The following ANO5 variants were observed in gnomAD, a reference collection of about 807,000 sequenced individuals.
ANO5 encodes the protein anoctamin 5.
ANO5 carries 109 observed loss-of-function variants against 121.0 expected under a neutral mutation model. The observed-to-expected ratio is 0.90, with a 90% CI of 0.77 to 1.06. The LOEUF is 1.06. ANO5 is among the 50% of genes least tolerant of loss of function. ANO5 has a pLI of 0.00. For missense variants in ANO5, 1,064 were observed against 1,078.5 expected (o/e 0.99, Z 0.19); for synonymous variants, 406 against 359.9 (o/e 1.13, Z -1.45).
chr11:22,218,869 T>G (rs1305792794), intron 4 of ANO5, among the ~76,000 whole-genome samples: 1 of 152,004 alleles, frequency 6.6e-6, no homozygotes, highest in East Asian at 1.9e-4. Flanking sequence ...AGCTGGTAAT[T>G]CAGGTGTTTG....
At chr11:22,225,182 G>T (rs933323883) in intron 5 of ANO5, among the ~76,000 whole-genome samples, 3 of 151,946 alleles carry the variant, frequency 2.0e-5, no homozygotes, top group Admixed American at 2.0e-4. Flanking sequence ...ATAAAAGCTG[G>T]GTGGGTGGTT....
At chr11:22,215,838 C>T (rs1852424867) in intron 3 of ANO5, among the ~76,000 whole-genome samples, 2 of 151,938 alleles carry the variant, frequency 1.3e-5, no homozygotes, top group African/African-American at 4.8e-5. Context: ...CATATTCTAG[C>T]AACCGCTGAT....
chr11:22,204,651 T>C (rs1417445846), intron 2 of ANO5, among the ~76,000 whole-genome samples: 1 of 152,062 alleles, frequency 6.6e-6, no homozygotes, highest in African/African-American at 2.4e-5. Flanking sequence ...AAAAGTTCAG[T>C]GACCCACTAG....
At chr11:22,203,915 C>T in intron 2 of ANO5, 65 bp downstream of exon 2, 1 of 1,114,166 alleles carries the variant, frequency 9.0e-7, no homozygotes, top group Non-Finnish European at 1.3e-6. Flanking sequence ...ATAAGGTTAA[C>T]TAAGCCTTTG....
At chr11:22,263,893 C>T (rs971836001) in intron 17 of ANO5, among the ~76,000 whole-genome samples, 1 of 152,122 alleles carries the variant, frequency 6.6e-6, no homozygotes, top group Non-Finnish European at 1.5e-5. Flanking sequence ...TTCATAGTGC[C>T]ACTTAGGGCT....
intron 15 of ANO5, chr11:22,261,132 G>A (rs1854174519): frequency 6.6e-6 from 1 of 152,180 alleles, no homozygotes; most frequent in South Asian, 2.1e-4. Context: ...GTTTGGAGAT[G>A]AGCATAAGTT....
chr11:22,265,405 A>G (rs1370088751), intron 17 of ANO5, among the ~76,000 whole-genome samples: 2 of 152,134 alleles, frequency 1.3e-5, no homozygotes, highest in African/African-American at 4.8e-5. Context: ...ACATGAAAAG[A>G]CTAGGAGAGT....
chr11:22,237,341 G>A (rs542969111), intron 8 of ANO5, among the ~76,000 whole-genome samples: 1 of 152,082 alleles, frequency 6.6e-6, no homozygotes, highest in African/African-American at 2.4e-5. Flanking sequence ...CCTTTCATAG[G>A]ACTTAGTCTG....
At chr11:22,279,456 TTAAA>T in intron 21 of ANO5, 84 bp from the exon 22 acceptor site, 3 of 1,154,730 alleles carry the variant, frequency 2.6e-6, no homozygotes, top group Non-Finnish European at 3.9e-6. Flanking sequence ...GAGCAGTTTC[TTAAA>T]TAAGTGAAAT....
rs79877264 is a variant in ANO5, at chr11:22,196,466, G to A, written c.40+2934G>A. On this transcript the variant is annotated intron_variant, in intron 1 of 21. Transcript: ENST00000324559. ...GTTTTGGAGGGATATTTAAACCATA[G>A]CACTAAGATGTATGAAAAGTTCATT... is the stretch of plus-strand genomic sequence containing the variant. Among the ~76,000 whole-genome samples the A allele has an allele frequency of 0.014, 2,038 of 149,420 alleles. 146 individuals carry two copies. The East Asian group carries it at 0.21, about 16-fold the overall frequency.
In ANO5 at chr11:22,283,062, G is replaced by A. The variant is rs1452053450; in HGVS notation, c.*3297G>A. ...AGTATTCTATTTATTTCAGCATTAT[G>A]TGAAAAATGATAAGAATGTTAAAAA... is the stretch of plus-strand genomic sequence containing the variant. On this transcript the variant is annotated 3_prime_UTR_variant, in exon 22 of 22. Coordinates refer to ENST00000324559, the MANE Select transcript of ANO5 (RefSeq NM_213599.3). 1 of 152,088 alleles carries A rather than the reference G, an allele frequency of 6.6e-6. No individual in the cohort carries two copies. The highest frequency in any genetic ancestry group is 2.4e-5 in the African/African-American group (1 of 41,418). 9.4% of individuals were successfully genotyped at this position (152,088 alleles called of 1,614,324 possible).
In ANO5 at chr11:22,257,756, T is replaced by C. The variant is rs758541037; in HGVS notation, c.1407+2T>C. On this transcript the variant is annotated splice_donor_variant, in intron 14 of 21. Coordinates refer to ENST00000324559, the MANE Select transcript of ANO5 (RefSeq NM_213599.3). LOFTEE classifies it high-confidence loss of function. ...TCAGGAGCCACAGTGACATTATGGG[T>C]GAGCATTTCTTTAAAAATTGCTATA... 1 of 1,606,490 alleles carries C rather than the reference T, an allele frequency of 6.2e-7. No homozygotes were observed. Among genetic ancestry groups the C allele is most frequent in the East Asian group, 2.2e-5 (1 of 44,784 alleles).
chr11:22,217,882 A>G (rs1012325174), intron 3 of ANO5, among the ~76,000 whole-genome samples: 1 of 151,958 alleles, frequency 6.6e-6, no homozygotes, highest in Non-Finnish European at 1.5e-5. Context: ...CCCATGACAC[A>G]TATTTCCTTA....
intron 5 of ANO5, among the ~76,000 whole-genome samples, chr11:22,222,415 A>T (rs1306656623): frequency 6.6e-6 from 1 of 151,754 alleles, no homozygotes; most frequent in Non-Finnish European, 1.5e-5. Context: ...CTTAGCTTCT[A>T]CTCAGCCATT....
Position 22,221,177 on chromosome 11 carries a change from T to C in ANO5, c.261T>C (p.Val87=), listed in dbSNP as rs762707153. 1.2e-6 allele frequency: 2 copies of C among 1,611,748 alleles called. No individual in the cohort carries two copies. The highest frequency in any genetic ancestry group is 2.2e-5 in the East Asian group (1 of 44,708). The change falls in exon 5 of 22, where the codon GTT becomes GTC. Residue 87 remains valine, a synonymous_variant. Transcript: ENST00000324559. The part of the protein sequence containing the change: ...IRQIDFVLSY[V]DDVKKDAELK... Reference sequence around the variant, plus strand: ...AAATTGATTTTGTGCTTTCCTACGTTGATGATGTAAAGAAAGACGCAGAGT... The same window carrying C: ...AAATTGATTTTGTGCTTTCCTACGTCGATGATGTAAAGAAAGACGCAGAGT...
In ANO5 at chr11:22,211,313, T is replaced by C. The variant is rs763119837; in HGVS notation, c.137T>C (p.Met46Thr). Reference sequence around the variant, plus strand: ...AGCTTTCTCATCAATGAAGAAACAATGGTAAGCAGCGACCAGTACTATCCT... The same window carrying C: ...AGCTTTCTCATCAATGAAGAAACAACGGTAAGCAGCGACCAGTACTATCCT... ...ETSFLINEET[M>T]PAKRFNLFLR... The change falls in exon 3 of 22, where the codon ATG becomes ACG. Residue 46 changes from methionine to threonine, a missense_variant and splice_region_variant. Met to Thr is a moderately conservative substitution (Grantham distance 81, BLOSUM62 -1). Transcript: ENST00000324559. 1.4e-5 allele frequency: 23 copies of C among 1,611,992 alleles called. No individual in the cohort carries two copies. In the East Asian group the frequency reaches 4.0e-4, roughly 28 times the overall value.
At chr11:22,277,216 A>T (rs1462799778) in intron 21 of ANO5, among the ~76,000 whole-genome samples, 1 of 151,450 alleles carries the variant, frequency 6.6e-6, no homozygotes, top group East Asian at 1.9e-4. Flanking sequence ...GAGAGGGGGA[A>T]AAAAAACTTT....
At chr11:22,258,841 A>T (rs1045493713) in intron 14 of ANO5, among the ~76,000 whole-genome samples, 1 of 152,152 alleles carries the variant, frequency 6.6e-6, no homozygotes, top group Non-Finnish European at 1.5e-5. Flanking sequence ...ACCTTTAGAA[A>T]TGCAAAAGAA....
chr11:22,269,116 TTAAA>T (rs1854479478), intron 17 of ANO5, among the ~76,000 whole-genome samples: 2 of 114,526 alleles, frequency 1.7e-5, no homozygotes, highest in African/African-American at 6.9e-5. Flanking sequence ...AAGGGAGGGA[TTAAA>T]GAAAGGAAAG....
Sources: allele counts gnomAD v4.1 joint callset (sites outside exome capture counted in the v4.1 genomes callset), GRCh38; gene constraint gnomAD v4.1.1; transcripts MANE v1.5; gene names NCBI Gene and HGNC (gene_info 2026-07-23, HGNC 2026-07-21).